Variants in FNDC3B observed in about 807,000 individuals in gnomAD.
The protein encoded by FNDC3B is fibronectin type III domain containing 3B, also known as fibronectin type III domain-containing protein 3B.
Under a neutral mutation model 151.5 loss-of-function variants are expected in FNDC3B, and 12 were observed. The observed-to-expected ratio is 0.08, with a 90% CI of 0.05 to 0.13. The LOEUF is 0.13. Ranked by LOEUF, FNDC3B falls within the 10% of genes least tolerant of loss-of-function variation. FNDC3B has a pLI of 1.00. For missense variants in FNDC3B, 1,214 were observed against 1,505.3 expected, an observed-to-expected ratio of 0.81 and a Z score of 3.20; for synonymous variants, 528 against 549.0, an observed-to-expected ratio of 0.96 and a Z score of 0.54.
intron 6 of FNDC3B, among the ~76,000 whole-genome samples, chr3:172,280,299 G>T (rs1207952223): frequency 3.9e-5 from 6 of 152,172 alleles, no homozygotes; most frequent in Admixed American, 3.9e-4. Flanking sequence ...TATCTAGCTT[G>T]TCCTTATTAT....
At position 172,400,560 on chromosome 3, in the gene FNDC3B, C is replaced by G. The variant is rs1459713935; in HGVS notation, c.*3085C>G. ...CTGTATTGTAAATTTTAGACTATTTCATATACATTGTATTAAAACTGCCAT... is the reference window on the plus strand; with the variant it reads ...CTGTATTGTAAATTTTAGACTATTTGATATACATTGTATTAAAACTGCCAT... On this transcript the variant is annotated 3_prime_UTR_variant, in exon 26 of 26. Coordinates refer to ENST00000415807, the MANE Select transcript of FNDC3B (RefSeq NM_022763.4). The G allele has an allele frequency of 6.6e-6, 1 of 152,532 alleles. No individual in the cohort carries two copies. Among genetic ancestry groups the G allele is most frequent in the East Asian group, 1.9e-4 (1 of 5,194 alleles). 9.4% of individuals were successfully genotyped at this position (152,532 alleles called of 1,614,324 possible).
chr3:172,082,636 G>A (rs567503640), intron 1 of FNDC3B, among the ~76,000 whole-genome samples: 1 of 152,334 alleles, frequency 6.6e-6, no homozygotes, highest in South Asian at 2.1e-4. Flanking sequence ...GCTGAACGTG[G>A]AATCACTGGA....
intron 6 of FNDC3B, among the ~76,000 whole-genome samples, chr3:172,273,620 G>A (rs1295830678): frequency 6.6e-6 from 1 of 152,142 alleles, no homozygotes; most frequent in African/African-American, 2.4e-5. Context: ...GTGGCTGCTA[G>A]GAAGGTCAAA....
intron 7 of FNDC3B, among the ~76,000 whole-genome samples, chr3:172,289,356 T>C (rs1481607855): frequency 6.6e-6 from 1 of 151,962 alleles, no homozygotes; most frequent in African/African-American, 2.4e-5. Flanking sequence ...ATAATCCAGG[T>C]TAAGTCTCCC....
At chr3:172,201,106 C>G (rs1725127223) in intron 3 of FNDC3B, among the ~76,000 whole-genome samples, 1 of 152,184 alleles carries the variant, frequency 6.6e-6, no homozygotes, top group Non-Finnish European at 1.5e-5. Flanking sequence ...CTATCTTATT[C>G]CTGTTTGAAT....
chr3:172,103,967 A>G (rs1446206184), intron 1 of FNDC3B, among the ~76,000 whole-genome samples: 1 of 152,208 alleles, frequency 6.6e-6, no homozygotes, highest in Non-Finnish European at 1.5e-5. Flanking sequence ...GTGGCAAGCC[A>G]TGGCAAGAGT....
chr3:172,333,488 ATTTTTTTTTTTTTTT>A (rs748224819), intron 14 of FNDC3B, among the ~76,000 whole-genome samples: 3 of 102,834 alleles, frequency 2.9e-5, no homozygotes, highest in Non-Finnish European at 5.6e-5. Context: ...TGCCCGGCTA[ATTTTTTTTTTTTTTT>A]TTTTTTTTTT....
Position 172,381,039 on chromosome 3 carries a change from C to T in FNDC3B, c.3249C>T (p.Asp1083=), listed in dbSNP as rs750013411. The T allele has an allele frequency of 1.2e-6, 2 of 1,613,824 alleles. No homozygotes were observed. Among genetic ancestry groups the T allele is most frequent in the Non-Finnish European group, 1.7e-6 (2 of 1,179,758 alleles). The part of the protein sequence containing the change: ...LWETVPSMKG[D]PVNYILQVLV... ...AGACGGTACCATCAATGAAAGGTGA[C>T]CCTGTTAACTACATTCTGCAGGTAT... The change falls in exon 25 of 26, where the codon GAC becomes GAT. Residue 1083 remains aspartate (D), a synonymous_variant. Transcript: ENST00000415807.
chr3:172,149,474 C>T (rs1722100554), intron 3 of FNDC3B, among the ~76,000 whole-genome samples: 2 of 152,058 alleles, frequency 1.3e-5, no homozygotes, highest in African/African-American at 2.4e-5. Flanking sequence ...TTTTTACCAC[C>T]CCTTTTCTCT....
intron 4 of FNDC3B, among the ~76,000 whole-genome samples, chr3:172,241,745 C>G (rs191964265): frequency 6.6e-6 from 1 of 152,254 alleles, no homozygotes; most frequent in East Asian, 1.9e-4. Flanking sequence ...GGGGACACAG[C>G]CAAACCATAT....
chr3:172,071,854 T>G (rs1717796904), intron 1 of FNDC3B, among the ~76,000 whole-genome samples: 1 of 152,084 alleles, frequency 6.6e-6, no homozygotes, highest in Non-Finnish European at 1.5e-5. Flanking sequence ...TACCATGGTC[T>G]TACGAGGATA....
chr3:172,188,450 G>T (rs1448508671), intron 3 of FNDC3B, among the ~76,000 whole-genome samples: 2 of 151,874 alleles, frequency 1.3e-5, no homozygotes, highest in African/African-American at 2.4e-5. Flanking sequence ...TCTGTCGCCA[G>T]GCTGGAGTGT....
intron 25 of FNDC3B, among the ~76,000 whole-genome samples, chr3:172,386,740 C>CAAAAAAAGAAA (rs1386827127): frequency 1.9e-5 from 1 of 53,018 alleles, no homozygotes; most frequent in Admixed American, 2.0e-4. Flanking sequence ...GACTCTGTCT[C>CAAAAAAAGAAA]AAAAAAAGAA....
Position 172,085,601 on chromosome 3 carries a change from CGACATT to C in FNDC3B, c.-28-26849_-28-26844del, listed in dbSNP as rs556959365. ...AGGAAAGGTCAACCACTTCACTCAT[CGACATT>C]GCCTCCATGGCCCTTGTTAGGCAAT... On this transcript the variant is annotated intron_variant, in intron 1 of 25. Coordinates refer to ENST00000415807, the MANE Select transcript of FNDC3B (RefSeq NM_022763.4). 4.3e-3 allele frequency among the ~76,000 whole-genome samples: 655 copies of C among 152,336 alleles called. 5 individuals are homozygous for C. Among genetic ancestry groups the C allele is most frequent in the African/African-American group, 0.015 (632 of 41,566 alleles).
At chr3:172,371,286 A>G (rs1216883903) in intron 23 of FNDC3B, among the ~76,000 whole-genome samples, 1 of 152,250 alleles carries the variant, frequency 6.6e-6, no homozygotes, top group Non-Finnish European at 1.5e-5. Context: ...GCTTTAGGGA[A>G]TAATAAGAAC....
intron 3 of FNDC3B, among the ~76,000 whole-genome samples, chr3:172,199,417 G>T (rs1321978821): frequency 6.6e-6 from 1 of 151,502 alleles, no homozygotes; most frequent in East Asian, 1.9e-4. Flanking sequence ...CTGACCTCGT[G>T]ATCCGCCCGC....
rs146186434 is a variant in FNDC3B, at chr3:172,371,297, A to C, written c.3009-6973A>C. On this transcript the variant is annotated intron_variant, in intron 23 of 25. Coordinates refer to ENST00000415807, the MANE Select transcript of FNDC3B (RefSeq NM_022763.4). ...TTATGCTTTAGGGAATAATAAGAAC[A>C]AAAAAAGCAGAACATGTTCAGTATA... is the stretch of plus-strand genomic sequence containing the variant. Among the ~76,000 whole-genome samples, 1,140 of 152,342 alleles carry C rather than the reference A, an allele frequency of 7.5e-3. 10 individuals are homozygous for C. Among genetic ancestry groups the C allele is most frequent in the Non-Finnish European group, 0.012 (800 of 68,030 alleles).
intron 1 of FNDC3B, among the ~76,000 whole-genome samples, chr3:172,091,873 G>GGGGGGTGTGTGTGTGT (rs1553760105): frequency 8.0e-6 from 1 of 124,756 alleles, no homozygotes; most frequent in Non-Finnish European, 1.6e-5. Context: ...ACTTTACTGG[G>GGGGGGTGTGTGTGTGT]GTGTGTGTGT....
chr3:172,191,936 T>C (rs1724530103), intron 3 of FNDC3B, among the ~76,000 whole-genome samples: 1 of 152,150 alleles, frequency 6.6e-6, no homozygotes, highest in Non-Finnish European at 1.5e-5. Context: ...AAATGCAGTG[T>C]CTGGTGGTGT....
Sources: allele counts gnomAD v4.1 joint callset (sites outside exome capture counted in the v4.1 genomes callset), GRCh38; gene constraint gnomAD v4.1.1; transcripts MANE v1.5; gene names NCBI Gene and HGNC (gene_info 2026-07-23, HGNC 2026-07-21).